The following ADGB variants were observed in gnomAD, a reference collection of about 807,000 sequenced individuals.
ADGB encodes androglobin, also known as calpain-7-like protein.
ADGB carries 172 observed loss-of-function variants against 210.5 expected under a neutral mutation model. The observed-to-expected ratio is 0.82, with a 90% CI of 0.72 to 0.93. ADGB has a LOEUF of 0.93. Ranked by LOEUF, ADGB falls within the 40% of genes least tolerant of loss-of-function variation. The probability of loss-of-function intolerance (pLI) is 0.00; values close to 1 mark genes in which losing one functional copy is unlikely to be tolerated. For synonymous variants in ADGB, 658 were observed against 662.7 expected, an observed-to-expected ratio of 0.99 and a Z score of 0.11; for missense variants, 2,025 against 1,964.8, an observed-to-expected ratio of 1.03 and a Z score of -0.58.
intron 33 of ADGB, among the ~76,000 whole-genome samples, chr6:146,794,716 T>C (rs1274764746): frequency 1.3e-5 from 2 of 151,830 alleles, no homozygotes; most frequent in Non-Finnish European, 2.9e-5. Context: ...AACAATAAAC[T>C]AGAAAAAAAT....
chr6:146,644,302 T>C (rs887772374), intron 2 of ADGB, among the ~76,000 whole-genome samples: 1 of 151,846 alleles, frequency 6.6e-6, no homozygotes, highest in Admixed American at 6.6e-5. Flanking sequence ...AATAAATAAA[T>C]GAAAATCAGG....
In ADGB at chr6:146,676,391, G is replaced by T; in HGVS notation, c.1166G>T (p.Gly389Val). 6.5e-7 allele frequency: 1 copy of T among 1,548,002 alleles called. No homozygotes were observed. Among genetic ancestry groups the T allele is most frequent in the Non-Finnish European group, 8.7e-7 (1 of 1,144,722 alleles). Residue 389 changes from glycine (G) to valine (V), a missense_variant, in exon 9 of 36, where the codon GGT (glycine) becomes GTT (valine). By Grantham distance (109) the Gly-to-Val change is moderately radical (BLOSUM62 -3). Transcript: ENST00000397944. ...GAAAAATTCAAATTCTCACTTCATG[G>T]TTCAAGACCCTCATCAGAAGTGCAG... ...EKEKFKFSLH[G>V]SRPSSEVQYS...
At chr6:146,752,741 G>C in intron 27 of ADGB, 27 bp downstream of exon 27, 1 of 1,484,188 alleles carries the variant, frequency 6.7e-7, no homozygotes, top group Non-Finnish European at 9.0e-7. Flanking sequence ...GAACAGGATA[G>C]TTAGATTCAT....
chr6:146,746,057 A>G lies in ADGB; in HGVS notation c.3313A>G (p.Ile1105Val). The change falls in exon 26 of 36, where the codon ATA (isoleucine) becomes GTA (valine). Residue 1105 changes from isoleucine to valine, a missense_variant. Transcript: ENST00000397944. The stretch of plus-strand genomic sequence containing the variant: ...AGACTCTCCATGCAATTCCTTTGCC[A>G]TAAAGGAAATCCGAGATTACTACAT... ...SRDSPCNSFA[I>V]KEIRDYYIPN... 1 of 1,550,828 alleles carries G rather than the reference A, an allele frequency of 6.4e-7. No homozygotes were observed. Among genetic ancestry groups the G allele is most frequent in the Non-Finnish European group, 8.7e-7 (1 of 1,146,388 alleles).
intron 1 of ADGB, among the ~76,000 whole-genome samples, chr6:146,624,273 C>T (rs1780940820): frequency 6.6e-6 from 1 of 151,800 alleles, no homozygotes; most frequent in African/African-American, 2.4e-5. Context: ...ATATTCATAT[C>T]TCCAATCCAA....
chr6:146,761,912 G>A (rs1037026373), intron 27 of ADGB, among the ~76,000 whole-genome samples: 1 of 152,086 alleles, frequency 6.6e-6, no homozygotes, highest in Non-Finnish European at 1.5e-5. Context: ...GTGGATCCTG[G>A]TATTCCTTGT....
chr6:146,772,534 G>C (rs1040705985), intron 29 of ADGB, among the ~76,000 whole-genome samples: 3 of 146,812 alleles, frequency 2.0e-5, no homozygotes, highest in Admixed American at 6.8e-5. Flanking sequence ...AGTAGTACTG[G>C]TTTCACGTCT....
At chr6:146,787,508 C>T (rs183077614) in intron 32 of ADGB, among the ~76,000 whole-genome samples, 2 of 137,496 alleles carry the variant, frequency 1.5e-5, no homozygotes, top group East Asian at 4.1e-4. Context: ...GTTCAACTTA[C>T]TGGAATAAGT....
intron 13 of ADGB, among the ~76,000 whole-genome samples, chr6:146,704,103 A>G (rs1054154791): frequency 1.8e-4 from 27 of 152,038 alleles, no homozygotes; most frequent in African/African-American, 6.3e-4. Context: ...GGCCATTTGT[A>G]TGTCTTCTCC....
At chr6:146,797,684 A>G (rs1325446587) in intron 33 of ADGB, among the ~76,000 whole-genome samples, 1 of 152,168 alleles carries the variant, frequency 6.6e-6, no homozygotes, top group Admixed American at 6.5e-5. Flanking sequence ...GAAACATTGT[A>G]TGTTCTCACT....
In ADGB at chr6:146,754,475, T is replaced by C. The variant is rs182241211; in HGVS notation, c.3550+1761T>C. On this transcript the variant is annotated intron_variant, in intron 27 of 35. Coordinates refer to ENST00000397944, the MANE Select transcript of ADGB (RefSeq NM_024694.4). ...CTTTGCCAGTTGCAATTTTATTTCA[T>C]GTTTTAAATCTTGTTTTTAAATGGA... is the stretch of plus-strand genomic sequence containing the variant. Among the ~76,000 whole-genome samples, 14 of 152,022 alleles carry C rather than the reference T, an allele frequency of 9.2e-5. No individual in the cohort carries two copies. The East Asian group carries it at 1.2e-3, about 13-fold the overall frequency.
chr6:146,674,977 A>C (rs1174205348), intron 8 of ADGB, among the ~76,000 whole-genome samples: 1 of 152,164 alleles, frequency 6.6e-6, no homozygotes, highest in Non-Finnish European at 1.5e-5. Context: ...ACATGCACTC[A>C]AATATTGCTT....
chr6:146,724,210 T>C lies in ADGB; in HGVS notation c.2120T>C (p.Ile707Thr). 6 of 1,550,170 alleles carry C rather than the reference T, an allele frequency of 3.9e-6. No individual in the cohort carries two copies. Among genetic ancestry groups the C allele is most frequent in the South Asian group, 2.4e-5 (2 of 83,716 alleles). Residue 707 changes from isoleucine (I) to threonine (T), a missense_variant, in exon 18 of 36, where the codon ATA becomes ACA. Coordinates refer to ENST00000397944, the MANE Select transcript of ADGB (RefSeq NM_024694.4). ...YGALTKDSPPIEPGLLTAETF... is the reference protein window; with the variant it reads ...YGALTKDSPPTEPGLLTAETF... Reference sequence around the variant, plus strand: ...GCCTTAACAAAAGACAGTCCTCCCATAGAGCCTGGACTTCTCACAGCTGAA... The same window carrying C: ...GCCTTAACAAAAGACAGTCCTCCCACAGAGCCTGGACTTCTCACAGCTGAA...
At chr6:146,761,895 G>C (rs1484956979) in intron 27 of ADGB, among the ~76,000 whole-genome samples, 2 of 152,046 alleles carry the variant, frequency 1.3e-5, no homozygotes, top group Admixed American at 1.3e-4. Context: ...CTTTCTTCTA[G>C]TTTTTGGTGG....
At chr6:146,691,500 A>ATTT (rs71031007) in intron 11 of ADGB, among the ~76,000 whole-genome samples, 152 of 13,644 alleles carry the variant, frequency 0.011, 40 homozygotes, top group Non-Finnish European at 0.012. Flanking sequence ...ATATATATAT[A>ATTT]TTTTTTTTTT....
intron 22 of ADGB, among the ~76,000 whole-genome samples, chr6:146,734,488 C>T (rs568264273): frequency 2.4e-4 from 36 of 152,186 alleles, no homozygotes; most frequent in Middle Eastern, 3.4e-3. Flanking sequence ...AATAAAGAAG[C>T]CACTATGTAT....
intron 27 of ADGB, among the ~76,000 whole-genome samples, chr6:146,755,467 G>A (rs116552767): frequency 0.012 from 1,772 of 152,158 alleles, 26 homozygotes; most frequent in African/African-American, 0.04. Context: ...GGTTTTATAA[G>A]GGGTTTTCTC....
chr6:146,756,908 G>A (rs762919640), intron 27 of ADGB, among the ~76,000 whole-genome samples: 2 of 151,704 alleles, frequency 1.3e-5, no homozygotes, highest in African/African-American at 2.4e-5. Context: ...TTGTATTTTA[G>A]TAGAGACAGG....
intron 19 of ADGB, among the ~76,000 whole-genome samples, chr6:146,727,880 C>T (rs899349500): frequency 5.9e-5 from 9 of 152,224 alleles, no homozygotes; most frequent in Admixed American, 2.0e-4. Context: ...AGCAAGGCAT[C>T]TGTGCTTCAG....
Sources: gnomAD v4.1 joint callset for allele counts (sites outside exome capture counted in the v4.1 genomes callset) on GRCh38, gnomAD v4.1.1 for gene constraint, MANE v1.5 for transcripts, NCBI Gene and HGNC (gene_info 2026-07-23, HGNC 2026-07-21) for gene names.